Variants in AOAH observed in about 807,000 individuals in gnomAD.
The protein encoded by AOAH is acyloxyacyl hydrolase.
A neutral mutation model predicts 92.2 loss-of-function variants in AOAH; 64 were observed. The ratio of observed to expected loss-of-function variants is 0.69; its 90% CI spans 0.57 to 0.86. The LOEUF (loss-of-function observed/expected upper bound fraction) is 0.86, where lower values mean the gene tolerates loss of function less well. Ranked by LOEUF, AOAH falls within the 40% of genes least tolerant of loss-of-function variation. AOAH has a pLI of 0.00. For missense variants in AOAH, 656 were observed against 694.6 expected, an observed-to-expected ratio of 0.94 and a Z score of 0.62; for synonymous variants, 263 against 254.5, an observed-to-expected ratio of 1.03 and a Z score of -0.32.
chr7:36,715,953 A>T (rs1220625044), intron 1 of AOAH, among the ~76,000 whole-genome samples: 1 of 152,218 alleles, frequency 6.6e-6, no homozygotes, highest in Admixed American at 6.5e-5. Flanking sequence ...AGCAATGGCA[A>T]CAAAAGCCAG....
At chr7:36,559,363 A>G (rs1012011907) in intron 13 of AOAH, among the ~76,000 whole-genome samples, 2 of 152,228 alleles carry the variant, frequency 1.3e-5, no homozygotes, top group Non-Finnish European at 2.9e-5. Context: ...CATTCCCACC[A>G]GTAGCGTATA....
At chr7:36,643,821 T>C (rs897512679) in intron 4 of AOAH, among the ~76,000 whole-genome samples, 1 of 152,108 alleles carries the variant, frequency 6.6e-6, no homozygotes, top group Non-Finnish European at 1.5e-5. Flanking sequence ...GGTGTAGGAC[T>C]CCCTTTGCTC....
intron 4 of AOAH, among the ~76,000 whole-genome samples, chr7:36,651,086 C>T (rs1009001722): frequency 2.0e-5 from 3 of 152,202 alleles, no homozygotes; most frequent in Non-Finnish European, 4.4e-5. Flanking sequence ...GAAGGAGTCA[C>T]CTCCACTCCT....
At chr7:36,709,419 T>C (rs1584168739) in intron 1 of AOAH, among the ~76,000 whole-genome samples, 4 of 152,328 alleles carry the variant, frequency 2.6e-5, no homozygotes, top group East Asian at 1.9e-4. Flanking sequence ...CTGAAGTTCA[T>C]GCAGTTTTTC....
intron 1 of AOAH, among the ~76,000 whole-genome samples, chr7:36,695,912 C>A (rs150345431): frequency 1.4e-3 from 219 of 151,360 alleles, no homozygotes; most frequent in African/African-American, 5.2e-3. Context: ...AGTTTTAGCT[C>A]TTACCTTTAG....
At chr7:36,662,951 T>C (rs1795306271) in intron 3 of AOAH, among the ~76,000 whole-genome samples, 1 of 152,142 alleles carries the variant, frequency 6.6e-6, no homozygotes, top group Non-Finnish European at 1.5e-5. Flanking sequence ...CACACAAATT[T>C]AAAACCACTA....
At chr7:36,658,099 G>A (rs1246832024) in intron 4 of AOAH, among the ~76,000 whole-genome samples, 5 of 151,986 alleles carry the variant, frequency 3.3e-5, no homozygotes, top group African/African-American at 1.2e-4. Context: ...TACCAGTGGA[G>A]CCTGCAGCTT....
chr7:36,520,576 A>G (rs994308110), intron 20 of AOAH, among the ~76,000 whole-genome samples: 10 of 152,164 alleles, frequency 6.6e-5, no homozygotes, highest in Admixed American at 2.0e-4. Flanking sequence ...GTGGTGGCGC[A>G]TGCCTGTAAT....
intron 4 of AOAH, among the ~76,000 whole-genome samples, chr7:36,646,538 C>T (rs145852217): frequency 1.8e-3 from 280 of 152,280 alleles, no homozygotes; most frequent in African/African-American, 6.5e-3. Flanking sequence ...CTCTATGTTA[C>T]ACAACAAATC....
At chr7:36,695,698 A>C (rs1439759030) in intron 1 of AOAH, among the ~76,000 whole-genome samples, 1 of 152,242 alleles carries the variant, frequency 6.6e-6, no homozygotes, top group Non-Finnish European at 1.5e-5. Flanking sequence ...GTTAATTAAA[A>C]CAATCATTGC....
At chr7:36,616,034 CA>C (rs1371002107) in intron 11 of AOAH, among the ~76,000 whole-genome samples, 2 of 152,170 alleles carry the variant, frequency 1.3e-5, no homozygotes, top group Non-Finnish European at 2.9e-5. Context: ...CTTGCTTGCT[CA>C]GACGAAAAAC....
intron 1 of AOAH, among the ~76,000 whole-genome samples, chr7:36,720,543 G>T (rs1483452357): frequency 6.6e-6 from 1 of 152,152 alleles, no homozygotes; most frequent in African/African-American, 2.4e-5. Flanking sequence ...TATGAGCGGA[G>T]TCTGCAGTGC....
chr7:36,549,012 T>C (rs1786001504), intron 14 of AOAH, among the ~76,000 whole-genome samples: 1 of 152,224 alleles, frequency 6.6e-6, no homozygotes, highest in Non-Finnish European at 1.5e-5. Flanking sequence ...AGGCGAGTTA[T>C]TGGGTTCCTT....
Position 36,548,456 on chromosome 7 carries a change from G to T in AOAH, c.1133+156C>A, listed in dbSNP as rs182069215. 1.3e-4 allele frequency among the ~76,000 whole-genome samples: 20 copies of T among 152,290 alleles called. 1 individual carries two copies. The East Asian group carries it at 2.9e-3, about 22-fold the overall frequency. On this transcript the variant is annotated intron_variant, in intron 15 of 20. Transcript: ENST00000617537. ...CCACCTCGGCCTCCCAAAGTGCTGG[G>T]ATTATAGGTGTGAGCCCCTGTGCCC...
intron 1 of AOAH, among the ~76,000 whole-genome samples, chr7:36,691,188 C>T (rs751208123): frequency 1.3e-5 from 2 of 152,162 alleles, no homozygotes; most frequent in Admixed American, 1.3e-4. Flanking sequence ...TCAAACTTCA[C>T]AACAACTCAT....
At chr7:36,565,119 A>G (rs1291845906) in intron 13 of AOAH, among the ~76,000 whole-genome samples, 1 of 152,182 alleles carries the variant, frequency 6.6e-6, no homozygotes, top group Non-Finnish European at 1.5e-5. Flanking sequence ...GCAGGTTTTG[A>G]TGCTCTAGGC....
chr7:36,633,925 C>T (rs759163688), intron 5 of AOAH, among the ~76,000 whole-genome samples: 2 of 152,124 alleles, frequency 1.3e-5, no homozygotes, highest in Non-Finnish European at 2.9e-5. Context: ...GCCTGTGACC[C>T]CCAGATGCCC....
intron 13 of AOAH, among the ~76,000 whole-genome samples, chr7:36,561,958 A>G (rs79341898): frequency 0.016 from 2,436 of 152,296 alleles, 59 homozygotes; most frequent in African/African-American, 0.054. Context: ...TTGAAAAGCA[A>G]TCACAAACAG....
chr7:36,684,999 T>C (rs991874675), intron 2 of AOAH, among the ~76,000 whole-genome samples: 1 of 147,490 alleles, frequency 6.8e-6, no homozygotes, highest in Non-Finnish European at 1.5e-5. Context: ...AAAGCACCTA[T>C]GGCGGCCTCC....
Sources: allele counts gnomAD v4.1 joint callset (sites outside exome capture counted in the v4.1 genomes callset), GRCh38; gene constraint gnomAD v4.1.1; transcripts MANE v1.5; gene names NCBI Gene and HGNC (gene_info 2026-07-23, HGNC 2026-07-21).